SUGCT: variants seen among roughly 807,000 people sequenced by gnomAD.
SUGCT encodes succinyl-CoA:glutarate-CoA transferase.
Under a neutral mutation model 55.0 loss-of-function variants are expected in SUGCT, and 41 were observed. That is an observed-to-expected ratio of 0.74 (90% CI 0.58 to 0.97). The LOEUF (loss-of-function observed/expected upper bound fraction) is 0.97. Ranked by LOEUF, SUGCT falls within the 50% of genes least tolerant of loss-of-function variation. The pLI, the probability that SUGCT is intolerant of heterozygous loss-of-function variation, is 0.00. For synonymous variants in SUGCT, 187 were observed against 200.4 expected (o/e 0.93, Z 0.56); for missense variants, 568 against 547.8 (o/e 1.04, Z -0.37).
At chr7:40,307,522 G>C (rs1794903945) in intron 8 of SUGCT, among the ~76,000 whole-genome samples, 1 of 152,042 alleles carries the variant, frequency 6.6e-6, no homozygotes, top group Admixed American at 6.6e-5. Context: ...ATATAACCTT[G>C]GGCAGATTAT....
At chr7:40,245,421 A>T (rs12701799) in intron 7 of SUGCT, among the ~76,000 whole-genome samples, 19,390 of 39,634 alleles carry the variant, frequency 0.49, 3,621 homozygotes, top group East Asian at 0.67. Flanking sequence ...ATATATATAT[A>T]TATTTTTTTT....
chr7:40,960,600 G>A, the SUGCT span, among the ~76,000 whole-genome samples: 5 of 152,288 alleles, frequency 3.3e-5, no homozygotes, highest in Middle Eastern at 3.4e-3. Flanking sequence ...ATGTACTTTA[G>A]TAGCACTAGA....
chr7:40,812,869 C>G (rs909527082), intron 13 of SUGCT, among the ~76,000 whole-genome samples: 2 of 151,940 alleles, frequency 1.3e-5, no homozygotes, highest in Non-Finnish European at 2.9e-5. Flanking sequence ...ATAAACTTTC[C>G]TCTTATCACT....
intron 9 of SUGCT, among the ~76,000 whole-genome samples, chr7:40,385,891 C>A (rs186337722): frequency 6.6e-6 from 1 of 152,102 alleles, no homozygotes; most frequent in Non-Finnish European, 1.5e-5. Context: ...TCCTTTCTTG[C>A]CAATTTTGTT....
rs149059212 is a variant in SUGCT at position 40,306,690 on chromosome 7, A to G, written c.721-10070A>G. ...TTGAAGAAGACACTTGAAACAGAAG[A>G]CTTGCTATCACAGGAATAAATAAGC... On this transcript the variant is annotated intron_variant, in intron 8 of 13. Coordinates refer to ENST00000335693, the MANE Select transcript of SUGCT (RefSeq NM_001193313.2). Among the ~76,000 whole-genome samples, 14 of 152,306 alleles carry G rather than the reference A, an allele frequency of 9.2e-5. No homozygotes were observed. The East Asian group carries it at 2.5e-3, about 27-fold the overall frequency.
At chr7:40,691,412 A>G (rs1281733721) in intron 12 of SUGCT, among the ~76,000 whole-genome samples, 2 of 152,142 alleles carry the variant, frequency 1.3e-5, no homozygotes, top group Admixed American at 6.5e-5. Flanking sequence ...ATGAGCTATC[A>G]TAGCTATTGG....
At chr7:40,882,438 C>T in the SUGCT span, among the ~76,000 whole-genome samples, 3 of 152,124 alleles carry the variant, frequency 2.0e-5, no homozygotes, top group Non-Finnish European at 4.4e-5. Flanking sequence ...CTATGGAAGG[C>T]AATACTCAAT....
At chr7:40,555,622 T>C (rs923258050) in intron 12 of SUGCT, among the ~76,000 whole-genome samples, 9 of 152,260 alleles carry the variant, frequency 5.9e-5, no homozygotes, top group Admixed American at 5.2e-4. Context: ...GGACCCCACT[T>C]CTGAGTGTCT....
At chr7:41,025,872 C>T in the SUGCT span, among the ~76,000 whole-genome samples, 1 of 152,060 alleles carries the variant, frequency 6.6e-6, no homozygotes, top group African/African-American at 2.4e-5. Context: ...TCTGGAAAGC[C>T]CCTTGCCAAG....
At chr7:40,562,216 G>A (rs1438272166) in intron 12 of SUGCT, among the ~76,000 whole-genome samples, 4 of 151,464 alleles carry the variant, frequency 2.6e-5, no homozygotes, top group South Asian at 2.1e-4. Flanking sequence ...GGAGAATGGC[G>A]TGAGCCTGGG....
chr7:40,733,235 C>T (rs1324206706), intron 12 of SUGCT, among the ~76,000 whole-genome samples: 1 of 151,812 alleles, frequency 6.6e-6, no homozygotes, highest in Admixed American at 6.5e-5. Flanking sequence ...CTAGAGTAAG[C>T]CAGAATTATA....
intron 8 of SUGCT, among the ~76,000 whole-genome samples, chr7:40,314,590 G>GTTT (rs1795328213): frequency 1.0e-5 from 1 of 100,056 alleles, no homozygotes; most frequent in Admixed American, 1.3e-4. Flanking sequence ...TTAAGACAGA[G>GTTT]TTTCGCTCTC....
At chr7:40,426,815 T>A (rs1022495295) in intron 9 of SUGCT, among the ~76,000 whole-genome samples, 1 of 152,064 alleles carries the variant, frequency 6.6e-6, no homozygotes, top group Non-Finnish European at 1.5e-5. Flanking sequence ...TATTTTTTAA[T>A]TTTTAATTTT....
the SUGCT span, among the ~76,000 whole-genome samples, chr7:41,033,433 A>G: frequency 1.3e-5 from 2 of 152,248 alleles, no homozygotes; most frequent in South Asian, 4.1e-4. Flanking sequence ...TACATCTGAG[A>G]CGATTGCATA....
At chr7:40,903,686 C>A in the SUGCT span, among the ~76,000 whole-genome samples, 2 of 152,182 alleles carry the variant, frequency 1.3e-5, no homozygotes, top group African/African-American at 4.8e-5. Context: ...TCATCACACG[C>A]AAGGCAAGGG....
intron 12 of SUGCT, among the ~76,000 whole-genome samples, chr7:40,557,725 A>G (rs994517964): frequency 3.3e-5 from 5 of 150,762 alleles, no homozygotes; most frequent in Non-Finnish European, 5.9e-5. Flanking sequence ...GTGAGCTGAG[A>G]TTGTGCCACT....
chr7:40,415,082 ATC>A (rs1346957367), intron 9 of SUGCT, among the ~76,000 whole-genome samples: 1 of 143,244 alleles, frequency 7.0e-6, no homozygotes, highest in African/African-American at 2.6e-5. Flanking sequence ...CTATCTATCT[ATC>A]TATCTATCTA....
chr7:40,408,078 A>T (rs1012996726), intron 9 of SUGCT, among the ~76,000 whole-genome samples: 1 of 152,088 alleles, frequency 6.6e-6, no homozygotes, highest in African/African-American at 2.4e-5. Context: ...ATTGAAGATG[A>T]TACCTTTTTT....
intron 12 of SUGCT, among the ~76,000 whole-genome samples, chr7:40,534,470 C>G (rs1057289511): frequency 2.0e-5 from 3 of 152,164 alleles, no homozygotes; most frequent in African/African-American, 7.2e-5. Flanking sequence ...CCGCAACCTC[C>G]ACCTCCCAGG....
Sources: allele counts gnomAD v4.1 joint callset (sites outside exome capture counted in the v4.1 genomes callset), GRCh38; gene constraint gnomAD v4.1.1; transcripts MANE v1.5; gene names NCBI Gene and HGNC (gene_info 2026-07-23, HGNC 2026-07-21).